MFHAS1: variants seen among roughly 807,000 people sequenced by gnomAD.
The protein encoded by MFHAS1 is malignant fibrous histiocytoma-amplified sequence 1.
MFHAS1 carries 50 observed loss-of-function variants against 70.4 expected under a neutral mutation model. That is an observed-to-expected ratio of 0.71 (90% CI 0.57 to 0.90). MFHAS1 has a LOEUF of 0.90. Ranked by LOEUF, MFHAS1 falls within the 40% of genes least tolerant of loss-of-function variation. MFHAS1 has a pLI of 0.00. For synonymous variants in MFHAS1, 952 were observed against 620.0 expected, an observed-to-expected ratio of 1.54 and a Z score of -7.96; for missense variants, 1,795 against 1,347.6, an observed-to-expected ratio of 1.33 and a Z score of -5.20.
intron 1 of MFHAS1, among the ~76,000 whole-genome samples, chr8:8,889,220 A>G (rs73192221): frequency 0.013 from 2,017 of 152,240 alleles, 19 homozygotes; most frequent in Non-Finnish European, 0.021. Flanking sequence ...AACACTTACC[A>G]AAAAACAAAC....
intron 1 of MFHAS1, among the ~76,000 whole-genome samples, chr8:8,798,062 ACTAT>A (rs1805970593): frequency 1.3e-5 from 2 of 152,318 alleles, no homozygotes; most frequent in African/African-American, 4.8e-5. Context: ...ACGACACAAC[ACTAT>A]CTAACGAGTC....
rs908466074 is a variant in MFHAS1, at chr8:8,783,748, C to T, written c.*2274G>A. 6.6e-6 allele frequency: 1 copy of T among 152,152 alleles called. No homozygotes were observed. The highest frequency in any genetic ancestry group is 1.5e-5 in the Non-Finnish European group (1 of 68,030). The allele number at this position is 152,152 out of a possible 1,614,324, so 9.4% of individuals were successfully genotyped here. On this transcript the variant is annotated 3_prime_UTR_variant, in exon 3 of 3. Coordinates refer to ENST00000276282, the MANE Select transcript of MFHAS1 (RefSeq NM_004225.3). ...GTGCTTAGTGAATCACCTATCGCCT[C>T]GGTGGGCTGCTGTGTCTTTCCAGGT...
In MFHAS1 at chr8:8,797,509, A is replaced by G; in HGVS notation, c.2999-18T>C. 6.2e-7 allele frequency: 1 copy of G among 1,611,598 alleles called. No homozygotes were observed. Among genetic ancestry groups the G allele is most frequent in the Non-Finnish European group, 8.5e-7 (1 of 1,178,120 alleles). ...CAACTCCCCTGTAGGAGGAGAGAGA[A>G]AAACGTGTTAGGGAGATGTGCACTA... On this transcript the variant is annotated intron_variant, in intron 1 of 2. Coordinates refer to ENST00000276282, the MANE Select transcript of MFHAS1 (RefSeq NM_004225.3).
chr8:8,860,551 T>C (rs938942952), intron 1 of MFHAS1, among the ~76,000 whole-genome samples: 2 of 152,168 alleles, frequency 1.3e-5, no homozygotes, highest in African/African-American at 4.8e-5. Context: ...TCTTCAGGAA[T>C]TCCCCGGGGC....
Position 8,890,471 on chromosome 8 carries a change from G to A in MFHAS1, c.2588C>T (p.Ala863Val), listed in dbSNP as rs1809950828. Residue 863 changes from alanine to valine, a missense_variant, in exon 1 of 3, where the codon GCC becomes GTC. Physicochemically the swap from Ala to Val is moderately conservative, Grantham distance 64. Transcript: ENST00000276282. Reference protein sequence around the residue: ...YVQNEVPHAEAWINGTNLAGQ... With the variant: ...YVQNEVPHAEVWINGTNLAGQ... ...AGCTAGGTTGGTCCCATTAATCCAG[G>A]CTTCTGCATGGGGCACCTCGTTCTG... 3 of 1,613,854 alleles carry A rather than the reference G, an allele frequency of 1.9e-6. No individual in the cohort carries two copies. The highest frequency in any genetic ancestry group is 1.7e-5 in the Admixed American group (1 of 60,016).
At chr8:8,882,509 G>C (rs1809567206) in intron 1 of MFHAS1, among the ~76,000 whole-genome samples, 1 of 152,210 alleles carries the variant, frequency 6.6e-6, no homozygotes. Flanking sequence ...CTACTCAGGA[G>C]GCTGAGGCAG....
rs137893344 is a variant in MFHAS1 at position 8,881,976 on chromosome 8, C to T, written c.2998+8085G>A. ...TGCTGCTAAGTGCCCCTTGCCCACT[C>T]TTCCCCCATTTCTGTAAGAATTAGG... On this transcript the variant is annotated intron_variant, in intron 1 of 2. Transcript: ENST00000276282. 9.8e-3 allele frequency among the ~76,000 whole-genome samples: 1,497 copies of T among 152,280 alleles called. 14 individuals carry two copies. Among genetic ancestry groups the T allele is most frequent in the Middle Eastern group, 0.034 (10 of 294 alleles).
chr8:8,847,784 C>T (rs576099454), intron 1 of MFHAS1, among the ~76,000 whole-genome samples: 10 of 152,142 alleles, frequency 6.6e-5, no homozygotes, highest in African/African-American at 2.4e-4. Context: ...TATTCCCAAC[C>T]GCTTCAGACA....
At chr8:8,841,353 T>C (rs1026690673) in intron 1 of MFHAS1, among the ~76,000 whole-genome samples, 1 of 151,818 alleles carries the variant, frequency 6.6e-6, no homozygotes, top group Non-Finnish European at 1.5e-5. Flanking sequence ...CGCACGCCTG[T>C]AATCCCAGCT....
chr8:8,814,404 T>C (rs1806660662), intron 1 of MFHAS1, among the ~76,000 whole-genome samples: 1 of 152,222 alleles, frequency 6.6e-6, no homozygotes, highest in African/African-American at 2.4e-5. Flanking sequence ...GGGTGTGTAG[T>C]AGGCTAGACC....
At chr8:8,801,474 T>C (rs531156222) in intron 1 of MFHAS1, among the ~76,000 whole-genome samples, 36 of 152,312 alleles carry the variant, frequency 2.4e-4, no homozygotes, top group African/African-American at 7.9e-4. Context: ...TCCAGCATGT[T>C]TGTATACTCC....
In MFHAS1 at chr8:8,892,822, G is replaced by T. The variant is rs1289573367; in HGVS notation, c.237C>A (p.Pro79=). 15 of 1,592,420 alleles carry T rather than the reference G, an allele frequency of 9.4e-6. No homozygotes were observed. The highest frequency in any genetic ancestry group is 1.3e-5 in the Non-Finnish European group (15 of 1,170,124). The change falls in exon 1 of 3, where the codon CCC becomes CCA. Residue 79 remains proline, a synonymous_variant. Coordinates refer to ENST00000276282, the MANE Select transcript of MFHAS1 (RefSeq NM_004225.3). The surrounding 1 kb of genome is among the most constrained non-coding windows in gnomAD (Gnocchi z 4.7). ...TGCCCAGCGCCGACCCCAGCCCCTC[G>T]GGTACCTCCTCCAGGCCGTTGTTCC... ...NLGNNGLEEV[P]EGLGSALGSL... is the part of the protein sequence containing the mutation.
At chr8:8,827,299 T>C (rs971780725) in intron 1 of MFHAS1, among the ~76,000 whole-genome samples, 1 of 152,192 alleles carries the variant, frequency 6.6e-6, no homozygotes, top group Non-Finnish European at 1.5e-5. Flanking sequence ...TACAGGGTCA[T>C]TAGTGGAATG....
At chr8:8,885,068 G>A (rs1809699546) in intron 1 of MFHAS1, among the ~76,000 whole-genome samples, 1 of 152,064 alleles carries the variant, frequency 6.6e-6, no homozygotes, top group African/African-American at 2.4e-5. Flanking sequence ...CTCAGAAGCA[G>A]CAAGTGAACA....
chr8:8,842,628 A>G (rs1807875349), intron 1 of MFHAS1, among the ~76,000 whole-genome samples: 1 of 152,204 alleles, frequency 6.6e-6, no homozygotes, highest in African/African-American at 2.4e-5. Flanking sequence ...CACCAGCAGC[A>G]CCGGCATCAC....
At position 8,890,576 on chromosome 8, in the gene MFHAS1, C is replaced by G. The variant is rs772078680; in HGVS notation, c.2483G>C (p.Gly828Ala). Residue 828 changes from glycine to alanine, a missense_variant, in exon 1 of 3, where the codon GGA (glycine) becomes GCA (alanine). By Grantham distance (60) the Gly-to-Ala change is moderately conservative. Transcript: ENST00000276282. ...GGGTTTATTGAGGCAGTAACAGAGT[C>G]CCATCTTCTCCAGCAGCTCCAGCAA... is the stretch of plus-strand genomic sequence containing the variant. ...QLLLELLEKM[G>A]LCYCLNKPKG... 5 of 1,613,568 alleles carry G rather than the reference C, an allele frequency of 3.1e-6. No individual in the cohort carries two copies. The highest frequency in any genetic ancestry group is 4.2e-6 in the Non-Finnish European group (5 of 1,180,050).
At chr8:8,827,327 G>A (rs555133900) in intron 1 of MFHAS1, among the ~76,000 whole-genome samples, 4 of 152,276 alleles carry the variant, frequency 2.6e-5, no homozygotes, top group African/African-American at 7.2e-5. Context: ...CTAAGAATAC[G>A]AACCTTTTAA....
At chr8:8,844,358 AT>A (rs1807949358) in intron 1 of MFHAS1, among the ~76,000 whole-genome samples, 1 of 152,190 alleles carries the variant, frequency 6.6e-6, no homozygotes, top group Non-Finnish European at 1.5e-5. Context: ...CAAATGTGTC[AT>A]TTGCTCATTT....
At chr8:8,841,467 C>CAA (rs11435426) in intron 1 of MFHAS1, among the ~76,000 whole-genome samples, 37 of 143,792 alleles carry the variant, frequency 2.6e-4, no homozygotes, top group East Asian at 1.0e-3. Context: ...GACTTCGTCT[C>CAA]AAAAAAAAAA....
Sources: allele counts gnomAD v4.1 joint callset (sites outside exome capture counted in the v4.1 genomes callset), GRCh38; gene constraint gnomAD v4.1.1; non-coding constraint Gnocchi (gnomAD v3.1); transcripts MANE v1.5; gene names NCBI Gene and HGNC (gene_info 2026-07-23, HGNC 2026-07-21).